PTK2B: variants seen among roughly 807,000 people sequenced by gnomAD.
PTK2B encodes protein tyrosine kinase 2 beta.
In PTK2B, 71 loss-of-function variants were observed where a neutral mutation model predicts 142.9. The ratio of observed to expected loss-of-function variants is 0.50; its 90% CI spans 0.41 to 0.61. The LOEUF is 0.61. Among genes scored for constraint, PTK2B ranks in the 20% least tolerant of loss-of-function variants. PTK2B has a pLI of 0.00. For synonymous variants in PTK2B, 519 were observed against 503.4 expected, an observed-to-expected ratio of 1.03 and a Z score of -0.42; for missense variants, 1,105 against 1,320.4, an observed-to-expected ratio of 0.84 and a Z score of 2.53.
At chr8:27,385,892 C>CAA (rs71553856) in intron 1 of PTK2B, among the ~76,000 whole-genome samples, 1,468 of 109,394 alleles carry the variant, frequency 0.013, 62 homozygotes, top group African/African-American at 0.033. Flanking sequence ...GATTCCGTCT[C>CAA]AAAAAAAAAA....
At chr8:27,397,445 A>G in intron 1 of PTK2B, 103 bp from the exon 2 acceptor site, 1 of 857,090 alleles carries the variant, frequency 1.2e-6, no homozygotes, top group Non-Finnish European at 1.9e-6. Context: ...AATATATAGC[A>G]TTTGTGTCTG....
chr8:27,422,277 C>G (rs1809806131), intron 4 of PTK2B, 27 bp from the exon 5 acceptor site: 1 of 1,606,358 alleles, frequency 6.2e-7, no homozygotes, highest in Admixed American at 1.7e-5. Flanking sequence ...GGGTGCAAGC[C>G]TGATGCTTGA....
intron 27 of PTK2B, 89 bp from the exon 28 acceptor site, chr8:27,453,025 G>A (rs956642522): frequency 6.8e-7 from 1 of 1,467,502 alleles, no homozygotes; most frequent in Non-Finnish European, 9.5e-7. Context: ...GGTGGTAGAG[G>A]GGAAGGGGCT....
rs182098687 is a variant in PTK2B, at chr8:27,343,450, C to T, written c.-38+17769C>T. On this transcript the variant is annotated intron_variant, in intron 1 of 30. Coordinates refer to ENST00000346049, the MANE Select transcript of PTK2B (RefSeq NM_173176.3). ...CTGGTGTTTTCCAGGCAGATGGGGT[C>T]CCCTAACCTGGGGACCCCATGTAGT... Among the ~76,000 whole-genome samples the T allele has an allele frequency of 1.6e-3, 240 of 152,288 alleles. 1 individual carries two copies. The highest frequency in any genetic ancestry group is 5.5e-3 in the African/African-American group (230 of 41,560).
chr8:27,389,823 G>T (rs1001235575), intron 1 of PTK2B, among the ~76,000 whole-genome samples: 2 of 152,206 alleles, frequency 1.3e-5, no homozygotes, highest in Non-Finnish European at 2.9e-5. Context: ...TGGCCCTGCG[G>T]GAACTGAGGG....
In PTK2B at chr8:27,458,525, A is replaced by G. The variant is rs749632932; in HGVS notation, c.*16A>G. ...TGCAGAGTGACGGAGGGTGGGGGCCACCTGCCTGCGTCTTCCGCCCCTGCC... is the reference window on the plus strand; with the variant it reads ...TGCAGAGTGACGGAGGGTGGGGGCCGCCTGCCTGCGTCTTCCGCCCCTGCC... On this transcript the variant is annotated 3_prime_UTR_variant, in exon 31 of 31. Transcript: ENST00000346049. The G allele has an allele frequency of 3.9e-6, 6 of 1,549,262 alleles. No homozygotes were observed. In the African/African-American group the frequency reaches 5.5e-5, roughly 14 times the overall value.
rs545320835 is a variant in PTK2B at position 27,329,603 on chromosome 8, C to T, written c.-38+3922C>T. 7.9e-5 allele frequency among the ~76,000 whole-genome samples: 12 copies of T among 152,202 alleles called. 1 individual carries two copies. The South Asian group carries it at 2.1e-3, about 26-fold the overall frequency. ...GGGATGGAGTAGAGGTGCAGAGCTGCGACGTGCCCGGGGCTGAAAGTGTGG... is the reference window on the plus strand; with the variant it reads ...GGGATGGAGTAGAGGTGCAGAGCTGTGACGTGCCCGGGGCTGAAAGTGTGG... On this transcript the variant is annotated intron_variant, in intron 1 of 30. Transcript: ENST00000346049.
chr8:27,336,258 C>T (rs558648368), intron 1 of PTK2B, among the ~76,000 whole-genome samples: 1 of 152,182 alleles, frequency 6.6e-6, no homozygotes, highest in Non-Finnish European at 1.5e-5. Context: ...ATCTGGCTCT[C>T]CAAGGCACCT....
chr8:27,382,060 G>A (rs1255477454), intron 1 of PTK2B, among the ~76,000 whole-genome samples: 4 of 151,842 alleles, frequency 2.6e-5, no homozygotes, highest in African/African-American at 7.3e-5. Flanking sequence ...AATGATTCTC[G>A]TGCCTCGGCC....
At chr8:27,425,011 C>G (rs960849086) in intron 5 of PTK2B, among the ~76,000 whole-genome samples, 6 of 151,976 alleles carry the variant, frequency 3.9e-5, no homozygotes, top group African/African-American at 1.5e-4. Flanking sequence ...CGCTCTCTGC[C>G]CAGATTCCTT....
upstream of PTK2B, chr8:27,310,731 G>A (rs553016839): frequency 6.7e-7 from 1 of 1,482,850 alleles, no homozygotes; most frequent in South Asian, 1.3e-5. Context: ...GGAGGGGCGG[G>A]AGCCGCAGAG....
At position 27,313,700 on chromosome 8, in the gene PTK2B, C is replaced by A. The variant is rs961189846; in HGVS notation, c.-414+413C>A. On this transcript the variant is annotated intron_variant, in intron 3 of 35. Transcript: ENST00000397501. ...CTTTCTTCCCTTTTCCAGTGGAATG[C>A]CCCCGGAAGGTCATACTCCACTATT... Among the ~76,000 whole-genome samples, 3 of 152,186 alleles carry A rather than the reference C, an allele frequency of 2.0e-5. No individual in the cohort carries two copies. The South Asian group carries it at 6.2e-4, about 32-fold the overall frequency.
At chr8:27,368,320 C>G (rs935876028) in intron 1 of PTK2B, among the ~76,000 whole-genome samples, 8 of 152,302 alleles carry the variant, frequency 5.3e-5, no homozygotes, top group South Asian at 2.1e-4. Flanking sequence ...TTGGCTCCCC[C>G]ACCCTGCTCC....
At position 27,387,117 on chromosome 8, in the gene PTK2B, C is replaced by T. The variant is rs142755958; in HGVS notation, c.-37-10431C>T. 3.7e-3 allele frequency among the ~76,000 whole-genome samples: 557 copies of T among 152,082 alleles called. 5 individuals are homozygous for T. The highest frequency in any genetic ancestry group is 0.012 in the African/African-American group (518 of 41,456). ...CAGAAATAAGCTTGATGTGTGGAGACCAAGCTCAGATCAGGGGTGGAGGGA... is the reference window on the plus strand; with the variant it reads ...CAGAAATAAGCTTGATGTGTGGAGATCAAGCTCAGATCAGGGGTGGAGGGA... On this transcript the variant is annotated intron_variant, in intron 1 of 30. Transcript: ENST00000346049.
At chr8:27,451,370 C>T in intron 26 of PTK2B, 115 bp from the exon 27 acceptor site, 1 of 1,520,264 alleles carries the variant, frequency 6.6e-7, no homozygotes, top group Non-Finnish European at 8.9e-7. Flanking sequence ...CCCCCGACCC[C>T]ATGGCTGTAA....
At chr8:27,377,840 G>A (rs969470344) in intron 1 of PTK2B, among the ~76,000 whole-genome samples, 3 of 152,178 alleles carry the variant, frequency 2.0e-5, no homozygotes, top group East Asian at 1.9e-4. Context: ...GAGGTGTTGA[G>A]TGCAGGTGGA....
At chr8:27,343,293 A>C (rs1804522236) in intron 1 of PTK2B, among the ~76,000 whole-genome samples, 1 of 152,178 alleles carries the variant, frequency 6.6e-6, no homozygotes, top group Admixed American at 6.5e-5. Context: ...GTTGACATAC[A>C]GCCAAGCCCT....
chr8:27,315,590 G>A (rs1033106483), intron 3 of PTK2B, among the ~76,000 whole-genome samples: 1 of 150,954 alleles, frequency 6.6e-6, no homozygotes, highest in African/African-American at 2.4e-5. Context: ...CTGTCTATGT[G>A]TTTCATTCTG....
At chr8:27,448,101 G>A (rs947459053) in intron 24 of PTK2B, among the ~76,000 whole-genome samples, 8 of 152,202 alleles carry the variant, frequency 5.3e-5, no homozygotes, top group Non-Finnish European at 1.2e-4. Flanking sequence ...TAAAAGTTGG[G>A]CCTTGAAAGA....
Sources: allele counts gnomAD v4.1 joint callset (sites outside exome capture counted in the v4.1 genomes callset), GRCh38; gene constraint gnomAD v4.1.1; transcripts MANE v1.5; gene names NCBI Gene and HGNC (gene_info 2026-07-23, HGNC 2026-07-21).